Variants in NUP62CL observed in about 807,000 individuals in gnomAD.
NUP62CL encodes nucleoporin-62 C-terminal-like protein.
In NUP62CL, 13 loss-of-function variants were observed where a neutral mutation model predicts 15.3. The observed-to-expected ratio is 0.85, with a 90% CI of 0.55 to 1.35. The LOEUF (loss-of-function observed/expected upper bound fraction) is 1.35. Ranked by LOEUF, NUP62CL falls within the 40% of genes most tolerant of loss-of-function variation. The pLI, the probability that NUP62CL is intolerant of heterozygous loss-of-function variation, is 0.00. For synonymous variants in NUP62CL, 54 were observed against 49.2 expected (o/e 1.10, Z -0.41); for missense variants, 123 against 130.6 (o/e 0.94, Z 0.28).
intron 4 of NUP62CL, among the ~76,000 whole-genome samples, chrX:107,164,327 T>A (rs1205164327): frequency 9.0e-6 from 1 of 111,531 alleles, no homozygotes; most frequent in Non-Finnish European, 1.9e-5. Flanking sequence ...TATAACATAA[T>A]ATGTAGGTCA....
chrX:107,155,346 A>C (rs1926150264), intron 4 of NUP62CL, among the ~76,000 whole-genome samples: 1 of 112,513 alleles, frequency 8.9e-6, no homozygotes, highest in Admixed American at 9.3e-5. Flanking sequence ...CAGTGGGGCC[A>C]ACAGGAAGCT....
At chrX:107,126,944 G>A (rs940960485) in intron 8 of NUP62CL, among the ~76,000 whole-genome samples, 11 of 110,541 alleles carry the variant, frequency 1.0e-4, no homozygotes, top group Non-Finnish European at 1.9e-4. Flanking sequence ...TGAGGCAGGA[G>A]AATCGCTTGA....
intron 2 of NUP62CL, among the ~76,000 whole-genome samples, chrX:107,185,109 A>G (rs1444161577): frequency 9.7e-6 from 1 of 103,550 alleles, no homozygotes; most frequent in Non-Finnish European, 1.9e-5. Context: ...AGGCAGGCGA[A>G]TGGCGTGTAC....
chrX:107,156,413 C>A (rs1263669662), intron 4 of NUP62CL, among the ~76,000 whole-genome samples: 96 of 103,760 alleles, frequency 9.3e-4, no homozygotes, highest in African/African-American at 3.3e-3. Context: ...GTGGTTCTCC[C>A]AGCACGCAGC....
intron 8 of NUP62CL, among the ~76,000 whole-genome samples, chrX:107,145,845 C>T (rs989502920): frequency 3.6e-5 from 4 of 110,903 alleles, no homozygotes; most frequent in South Asian, 3.8e-4. Context: ...TTTCTCATAA[C>T]GAACTTTTTG....
intron 2 of NUP62CL, among the ~76,000 whole-genome samples, chrX:107,181,554 A>T (rs1926920615): frequency 9.7e-6 from 1 of 102,768 alleles, no homozygotes. Flanking sequence ...TTACTTTCCT[A>T]AAAAAAAAAA....
At chrX:107,127,982 C>T (rs1569352784) in intron 8 of NUP62CL, among the ~76,000 whole-genome samples, 1 of 111,841 alleles carries the variant, frequency 8.9e-6, no homozygotes. Flanking sequence ...GTAGTAATTA[C>T]AGGAGTGGTA....
chrX:107,155,928 G>C (rs886492136), intron 4 of NUP62CL, among the ~76,000 whole-genome samples: 102 of 112,281 alleles, frequency 9.1e-4, no homozygotes, highest in Non-Finnish European at 1.7e-3. Context: ...TGCGCGCACC[G>C]TGCGCAAGCC....
At chrX:107,151,189 A>G (rs1012692974) in intron 7 of NUP62CL, among the ~76,000 whole-genome samples, 2 of 111,215 alleles carry the variant, frequency 1.8e-5, no homozygotes, top group African/African-American at 6.5e-5. Context: ...ACTTTTATCT[A>G]CCTTGCCTTT....
Position 107,153,991 on chromosome X carries a change from CA to C in NUP62CL, c.345+104del, listed in dbSNP as rs1926112517. On this transcript the variant is annotated intron_variant, in intron 5 of 8. Transcript: ENST00000372466. The stretch of plus-strand genomic sequence containing the variant: ...CTGTCTCAAAAAACAAAAACATAAA[CA>C]AAACAACAACAACAAAGAAAACCAC... 4.8e-6 allele frequency: 4 copies of C among 832,803 alleles called. No homozygotes were observed. The African/African-American group carries it at 8.3e-5, about 17-fold the overall frequency. 68.6% of individuals were successfully genotyped at this position (832,803 alleles called of 1,213,427 possible). A position where few individuals can be genotyped will look rare whatever the true frequency, so the allele number is the denominator to read the frequency against.
chrX:107,141,357 T>A (rs769460585), intron 8 of NUP62CL, among the ~76,000 whole-genome samples: 1 of 112,314 alleles, frequency 8.9e-6, no homozygotes, highest in Non-Finnish European at 1.9e-5. Flanking sequence ...AAGTGGCTAA[T>A]AAACAGTGGA....
chrX:107,169,396 A>C (rs763108697), intron 3 of NUP62CL, among the ~76,000 whole-genome samples: 1 of 112,677 alleles, frequency 8.9e-6, no homozygotes, highest in African/African-American at 3.2e-5. Context: ...AAGCTGCCTT[A>C]AGAATAATCT....
At chrX:107,131,814 CTT>C (rs1229651258) in intron 8 of NUP62CL, 2 of 1,133,291 alleles carry the variant, frequency 1.8e-6, no homozygotes, top group Non-Finnish European at 2.4e-6. Context: ...ACAGCTGTGT[CTT>C]TGCTGGGGAG....
intron 4 of NUP62CL, among the ~76,000 whole-genome samples, chrX:107,155,839 G>T (rs757392776): frequency 2.7e-5 from 3 of 112,443 alleles, no homozygotes; most frequent in Non-Finnish European, 3.8e-5. Flanking sequence ...CACAGAAGAC[G>T]GGTGATTTCT....
At chrX:107,148,328 G>T (rs966158160) in intron 7 of NUP62CL, among the ~76,000 whole-genome samples, 1 of 111,257 alleles carries the variant, frequency 9.0e-6, no homozygotes, top group Admixed American at 9.6e-5. Flanking sequence ...TTCTATTTCC[G>T]TTATCCAGAG....
intron 7 of NUP62CL, among the ~76,000 whole-genome samples, chrX:107,149,123 A>G (rs1925952192): frequency 9.0e-6 from 1 of 111,675 alleles, no homozygotes; most frequent in African/African-American, 3.3e-5. Context: ...CACTACTAAA[A>G]TAAAATAAAA....
At chrX:107,192,670 T>C (rs1390674062) in intron 2 of NUP62CL, among the ~76,000 whole-genome samples, 3 of 112,241 alleles carry the variant, frequency 2.7e-5, no homozygotes, top group Non-Finnish European at 5.6e-5. Context: ...CGCGAACCAC[T>C]GCGCCAGGCC....
intron 2 of NUP62CL, among the ~76,000 whole-genome samples, chrX:107,189,936 AG>A (rs758218977): frequency 0.012 from 1,306 of 107,390 alleles, 41 homozygotes; most frequent in Middle Eastern, 0.045. Flanking sequence ...AAAGAAAGAA[AG>A]AAAGAAAGAG....
At chrX:107,205,436 CCATT>C (rs1448971549) in intron 1 of NUP62CL, among the ~76,000 whole-genome samples, 5 of 111,310 alleles carry the variant, frequency 4.5e-5, no homozygotes, top group African/African-American at 1.6e-4. Context: ...TATTCTACCC[CCATT>C]TTTTGTTTAC....
Sources: allele counts gnomAD v4.1 joint callset (sites outside exome capture counted in the v4.1 genomes callset), GRCh38; gene constraint gnomAD v4.1.1; transcripts MANE v1.5; gene names NCBI Gene and HGNC (gene_info 2026-07-23, HGNC 2026-07-21).